Variants in MIS18A observed in about 807,000 individuals in gnomAD.
MIS18A encodes the protein MIS18 kinetochore protein A, also known as protein Mis18-alpha.
MIS18A carries 14 observed loss-of-function variants against 25.0 expected under a neutral mutation model. The observed-to-expected ratio is 0.56, with a 90% CI of 0.37 to 0.88. The LOEUF is 0.88. MIS18A is among the 40% of genes least tolerant of loss of function. The probability of loss-of-function intolerance (pLI) is 0.00; values close to 1 mark genes in which losing one functional copy is unlikely to be tolerated. For missense variants in MIS18A, 292 were observed against 290.8 expected (o/e 1.00, Z -0.03); for synonymous variants, 134 against 118.6 (o/e 1.13, Z -0.84).
At chr21:32,207,390 A>T in the MIS18A span, among the ~76,000 whole-genome samples, 97 of 152,306 alleles carry the variant, frequency 6.4e-4, 1 homozygote, top group Middle Eastern at 6.8e-3. Flanking sequence ...GGGAAATGTT[A>T]AATTTTTTTA....
the MIS18A span, among the ~76,000 whole-genome samples, chr21:32,190,889 G>A: frequency 1.2e-4 from 19 of 152,180 alleles, no homozygotes; most frequent in African/African-American, 4.1e-4. Context: ...GTCTGCCACC[G>A]CCAGTTGTAT....
chr21:32,175,636 G>A, the MIS18A span, among the ~76,000 whole-genome samples: 33 of 113,928 alleles, frequency 2.9e-4, no homozygotes, highest in African/African-American at 1.2e-3. Flanking sequence ...AGTGAAACCC[G>A]GTCTCTACTG....
chr21:32,239,357 A>G, the MIS18A span, among the ~76,000 whole-genome samples: 6 of 152,206 alleles, frequency 3.9e-5, no homozygotes, highest in Non-Finnish European at 7.3e-5. Context: ...CTTAAAGTGG[A>G]AAGCATTTAT....
chr21:32,171,657 T>C, the MIS18A span, among the ~76,000 whole-genome samples: 2 of 152,176 alleles, frequency 1.3e-5, no homozygotes, highest in East Asian at 3.9e-4. Flanking sequence ...TTTAATACAA[T>C]TATAAGTACT....
chr21:32,259,882 T>C, the MIS18A span: 1 of 152,176 alleles, frequency 6.6e-6, no homozygotes, highest in Non-Finnish European at 1.5e-5. Context: ...AATAGAACAG[T>C]AGAATGATCA....
chr21:32,173,971 T>TC, the MIS18A span, among the ~76,000 whole-genome samples: 4 of 58,246 alleles, frequency 6.9e-5, no homozygotes, highest in Non-Finnish European at 1.2e-4. Context: ...TTTTTTTTTT[T>TC]TTTTTTTTTT....
At chr21:32,215,765 T>C in the MIS18A span, among the ~76,000 whole-genome samples, 4 of 152,212 alleles carry the variant, frequency 2.6e-5, no homozygotes, top group Admixed American at 6.5e-5. Context: ...CTTGTTTCTC[T>C]GGTATGGGAT....
chr21:32,250,034 G>C, the MIS18A span, among the ~76,000 whole-genome samples: 1 of 152,064 alleles, frequency 6.6e-6, no homozygotes, highest in Non-Finnish European at 1.5e-5. Context: ...AGAGAAAGGA[G>C]CAGCCAGAAA....
rs1242707555 is a variant in MIS18A, at chr21:32,274,819, G to A, written c.401+11C>T. 6.2e-7 allele frequency: 1 copy of A among 1,601,802 alleles called. No individual in the cohort carries two copies. The highest frequency in any genetic ancestry group is 1.1e-5 in the South Asian group (1 of 90,410). On this transcript the variant is annotated intron_variant, in intron 2 of 4. Coordinates refer to ENST00000290130, the MANE Select transcript of MIS18A (RefSeq NM_018944.3). ...TCTCTAACATATTCATATAAATACA[G>A]TTTTACTCACCAACCATTTTCCTTT... is the stretch of plus-strand genomic sequence containing the variant.
the MIS18A span, among the ~76,000 whole-genome samples, chr21:32,157,242 G>GTTTTTTTTT: frequency 7.8e-4 from 12 of 15,348 alleles, no homozygotes; most frequent in African/African-American, 2.0e-3. Flanking sequence ...TTTTTTTTTG[G>GTTTTTTTTT]TAGTTTTAGT....
At chr21:32,273,478 T>A (rs929322793) in intron 2 of MIS18A, among the ~76,000 whole-genome samples, 1 of 152,140 alleles carries the variant, frequency 6.6e-6, no homozygotes, top group Non-Finnish European at 1.5e-5. Context: ...GACATTATTA[T>A]CACTCCAGAG....
the MIS18A span, among the ~76,000 whole-genome samples, chr21:32,190,005 T>C: frequency 1.3e-5 from 2 of 152,196 alleles, no homozygotes; most frequent in Non-Finnish European, 2.9e-5. Flanking sequence ...CTTGACATTA[T>C]GAGTCTTGGT....
chr21:32,208,224 G>T, the MIS18A span, among the ~76,000 whole-genome samples: 1 of 152,116 alleles, frequency 6.6e-6, no homozygotes, highest in African/African-American at 2.4e-5. Flanking sequence ...ACATGGTTTG[G>T]ATCTGTGTCC....
At chr21:32,229,635 C>T in the MIS18A span, among the ~76,000 whole-genome samples, 1 of 152,230 alleles carries the variant, frequency 6.6e-6, no homozygotes, top group Admixed American at 6.5e-5. Flanking sequence ...AACTCAGCAT[C>T]TCACTGACAC....
At chr21:32,159,328 A>T in the MIS18A span, among the ~76,000 whole-genome samples, 3 of 152,310 alleles carry the variant, frequency 2.0e-5, no homozygotes, top group Admixed American at 6.5e-5. Flanking sequence ...TCTATTAACC[A>T]TTTTTATAGC....
chr21:32,269,063 A>G lies in MIS18A; in HGVS notation c.676T>C (p.Leu226=). The change falls in exon 5 of 5, where the codon TTG becomes CTG. Residue 226 remains leucine (L), a synonymous_variant. Transcript: ENST00000290130. ...QMKLWEAESK[L]SFATCKS ...CAGCTTTTACAAGTGGCAAAGGACA[A>G]TTTGGATTCGGCCTCCCACAGCTTC... 6.2e-7 allele frequency: 1 copy of G among 1,605,742 alleles called. No homozygotes were observed. Among genetic ancestry groups the G allele is most frequent in the Non-Finnish European group, 8.5e-7 (1 of 1,174,786 alleles).
chr21:32,204,322 C>A, the MIS18A span, among the ~76,000 whole-genome samples: 1 of 151,744 alleles, frequency 6.6e-6, no homozygotes, highest in African/African-American at 2.4e-5. Flanking sequence ...GATCATGAAA[C>A]CCCATTGCTA....
At chr21:32,276,623 GA>G (rs1338855268) in intron 1 of MIS18A, among the ~76,000 whole-genome samples, 1 of 152,006 alleles carries the variant, frequency 6.6e-6, no homozygotes, top group Non-Finnish European at 1.5e-5. Context: ...CTGGAGTTGG[GA>G]AAACAATTTA....
chr21:32,237,236 T>C, the MIS18A span, among the ~76,000 whole-genome samples: 2 of 152,138 alleles, frequency 1.3e-5, no homozygotes, highest in South Asian at 2.1e-4. Context: ...GAACTGCAGA[T>C]GATGTGGGCA....
Sources: gnomAD v4.1 joint callset for allele counts (sites outside exome capture counted in the v4.1 genomes callset) on GRCh38, gnomAD v4.1.1 for gene constraint, MANE v1.5 for transcripts, NCBI Gene and HGNC (gene_info 2026-07-23, HGNC 2026-07-21) for gene names.